The following ARHGAP10 variants were observed in gnomAD, a reference collection of about 807,000 sequenced individuals.
ARHGAP10 encodes the protein Rho GTPase activating protein 10, also known as rho GTPase-activating protein 10.
Under a neutral mutation model 108.6 loss-of-function variants are expected in ARHGAP10, and 87 were observed. That is an observed-to-expected ratio of 0.80 (90% CI 0.67 to 0.96). The LOEUF is 0.96. Ranked by LOEUF, ARHGAP10 falls within the 40% of genes least tolerant of loss-of-function variation. ARHGAP10 has a pLI of 0.00. For missense variants in ARHGAP10, 939 were observed against 954.5 expected (o/e 0.98, Z 0.21); for synonymous variants, 347 against 341.1 (o/e 1.02, Z -0.19).
At chr4:147,932,246 C>T (rs1187365703) in intron 13 of ARHGAP10, among the ~76,000 whole-genome samples, 2 of 152,190 alleles carry the variant, frequency 1.3e-5, no homozygotes, top group East Asian at 3.9e-4. Context: ...AAGACAGTGG[C>T]GATTCCTTAA....
chr4:147,948,512 C>A (rs1738473126), intron 15 of ARHGAP10, among the ~76,000 whole-genome samples: 1 of 152,104 alleles, frequency 6.6e-6, no homozygotes, highest in Non-Finnish European at 1.5e-5. Flanking sequence ...CTTCCTCCAC[C>A]ACTGGCATTT....
intron 19 of ARHGAP10, among the ~76,000 whole-genome samples, chr4:148,024,408 A>G (rs1741689019): frequency 6.6e-6 from 1 of 152,200 alleles, no homozygotes; most frequent in South Asian, 2.1e-4. Context: ...GACAGATACC[A>G]TGCCTTCATC....
rs1736642716 is a variant in ARHGAP10, at chr4:147,909,487, C to T, written c.1117-245C>T. Among the ~76,000 whole-genome samples, 3 of 152,200 alleles carry T rather than the reference C, an allele frequency of 2.0e-5. 1 individual carries two copies. Among genetic ancestry groups the T allele is most frequent in the East Asian group, 3.8e-4 (2 of 5,200 alleles). On this transcript the variant is annotated intron_variant, in intron 11 of 22. Coordinates refer to ENST00000336498, the MANE Select transcript of ARHGAP10 (RefSeq NM_024605.4). ...TAAGAAGTCACCTCATTAGCATAAACTCACATGTGACCAAAAGGATCTTGT... is the reference window on the plus strand; with the variant it reads ...TAAGAAGTCACCTCATTAGCATAAATTCACATGTGACCAAAAGGATCTTGT...
chr4:147,809,693 C>T (rs1339924182), intron 1 of ARHGAP10, among the ~76,000 whole-genome samples: 1 of 152,110 alleles, frequency 6.6e-6, no homozygotes, highest in African/African-American at 2.4e-5. Context: ...GGACTGGTTC[C>T]ATGGAAGACA....
At chr4:147,743,642 TGGTGCATGCCTG>T (rs1728786967) in intron 1 of ARHGAP10, among the ~76,000 whole-genome samples, 1 of 152,132 alleles carries the variant, frequency 6.6e-6, no homozygotes, top group Admixed American at 6.5e-5. Context: ...CTGGGCATGG[TGGTGCATGCCTG>T]TAATCCCAGC....
At chr4:147,973,757 T>C (rs76947806) in intron 18 of ARHGAP10, among the ~76,000 whole-genome samples, 18,041 of 152,156 alleles carry the variant, frequency 0.12, 1,261 homozygotes, top group African/African-American at 0.2. Flanking sequence ...GTTTCAGTTT[T>C]TTGCTCCCAC....
chr4:147,769,826 G>A (rs1266510136), intron 1 of ARHGAP10, among the ~76,000 whole-genome samples: 3 of 152,124 alleles, frequency 2.0e-5, no homozygotes, highest in Non-Finnish European at 2.9e-5. Context: ...TAAAACCAGT[G>A]GCTGGAATTA....
intron 19 of ARHGAP10, among the ~76,000 whole-genome samples, chr4:148,031,003 G>C (rs538297577): frequency 1.3e-5 from 2 of 152,112 alleles, no homozygotes; most frequent in Non-Finnish European, 1.5e-5. Flanking sequence ...AGGCTGCAGC[G>C]AGCCGTGATT....
chr4:147,921,058 G>A (rs967160811), intron 13 of ARHGAP10, among the ~76,000 whole-genome samples: 1 of 152,196 alleles, frequency 6.6e-6, no homozygotes, highest in Non-Finnish European at 1.5e-5. Flanking sequence ...GTCATGCATG[G>A]GATGCCCCAG....
At chr4:147,904,748 G>C (rs1350411609) in intron 10 of ARHGAP10, among the ~76,000 whole-genome samples, 5 of 152,242 alleles carry the variant, frequency 3.3e-5, no homozygotes, top group Admixed American at 1.3e-4. Context: ...TATATACCCA[G>C]TAATGGGATT....
intron 1 of ARHGAP10, among the ~76,000 whole-genome samples, chr4:147,749,715 A>G (rs1282980141): frequency 6.6e-6 from 1 of 152,210 alleles, no homozygotes; most frequent in Non-Finnish European, 1.5e-5. Context: ...TGTATGCAGG[A>G]TAAAATCCAA....
At chr4:147,797,265 C>A (rs1485222511) in intron 1 of ARHGAP10, among the ~76,000 whole-genome samples, 1 of 151,750 alleles carries the variant, frequency 6.6e-6, no homozygotes, top group African/African-American at 2.4e-5. Context: ...TCCTTATTAC[C>A]CTCCAGATGA....
intron 3 of ARHGAP10, among the ~76,000 whole-genome samples, chr4:147,826,438 G>A (rs1296488620): frequency 1.3e-5 from 2 of 152,178 alleles, no homozygotes; most frequent in African/African-American, 4.8e-5. Flanking sequence ...CTTAGGAGTG[G>A]TGTGGTGTGT....
Position 148,070,013 on chromosome 4 carries a change from C to T in ARHGAP10, c.2273-1980C>T, listed in dbSNP as rs886504754. Among the ~76,000 whole-genome samples the T allele has an allele frequency of 3.9e-5, 6 of 152,196 alleles. No individual in the cohort carries two copies. The East Asian group carries it at 5.8e-4, about 15-fold the overall frequency. On this transcript the variant is annotated intron_variant, in intron 22 of 22. Transcript: ENST00000336498. ...TGAAGGAAGTAACTTGCTGCCAGAT[C>T]GCTTTGAGAGCACATCTCTGAATTT...
In ARHGAP10 at chr4:147,924,971, A is replaced by AT. The variant is rs34560317; in HGVS notation, c.1228+11845dup. Among the ~76,000 whole-genome samples, 265 of 147,102 alleles carry AT rather than the reference A, an allele frequency of 1.8e-3. 1 individual carries two copies. Among genetic ancestry groups the AT allele is most frequent in the Admixed American group, 4.3e-3 (63 of 14,800 alleles). ...GCTCTAGGAGATTGAAGAACTTTCTATTTTTTTTTTTTTAAAATAGCAATT... is the reference window on the plus strand; with the variant it reads ...GCTCTAGGAGATTGAAGAACTTTCTATTTTTTTTTTTTTTAAAATAGCAATT... On this transcript the variant is annotated intron_variant, in intron 13 of 22. Transcript: ENST00000336498.
At chr4:147,987,538 C>A (rs950375880) in intron 18 of ARHGAP10, among the ~76,000 whole-genome samples, 19 of 152,212 alleles carry the variant, frequency 1.2e-4, no homozygotes, top group African/African-American at 4.6e-4. Flanking sequence ...GGACATGAAC[C>A]CCTCCTGCTG....
At chr4:147,761,017 CTTTT>C (rs11301771) in intron 1 of ARHGAP10, among the ~76,000 whole-genome samples, 2 of 141,308 alleles carry the variant, frequency 1.4e-5, no homozygotes, top group African/African-American at 2.6e-5. Context: ...TTAGAGTTAA[CTTTT>C]TTTTTTTTTT....
intron 13 of ARHGAP10, among the ~76,000 whole-genome samples, chr4:147,932,402 A>G (rs1259694343): frequency 1.3e-5 from 2 of 152,196 alleles, no homozygotes; most frequent in African/African-American, 2.4e-5. Flanking sequence ...AATCAACCCA[A>G]ATGCCCATCA....
rs781230848 is a variant in ARHGAP10 at position 147,822,770 on chromosome 4, CTTTAAG to C, written c.202_207del (p.Lys68_Phe69del). The C allele has an allele frequency of 1.2e-6, 2 of 1,614,094 alleles. No homozygotes were observed. Among genetic ancestry groups the C allele is most frequent in the Admixed American group, 1.7e-5 (1 of 60,006 alleles). On this transcript the variant is annotated inframe_deletion, in exon 2 of 23. Transcript: ENST00000336498. ...GGAAGTTTGCTCATTCACTCAGAGA[CTTTAAG>C]TTTGAGTTTATCGGTGATGCTGTGA...
Sources: allele counts gnomAD v4.1 joint callset (sites outside exome capture counted in the v4.1 genomes callset), GRCh38; gene constraint gnomAD v4.1.1; transcripts MANE v1.5; gene names NCBI Gene and HGNC (gene_info 2026-07-23, HGNC 2026-07-21).